CAPN2: variants seen among roughly 807,000 people sequenced by gnomAD.
The protein encoded by CAPN2 is calpain 2.
Under a neutral mutation model 102.3 loss-of-function variants are expected in CAPN2, and 92 were observed. The observed-to-expected ratio is 0.90, with a 90% confidence interval of 0.76 to 1.07. The LOEUF (loss-of-function observed/expected upper bound fraction) is 1.07, where lower values mean the gene tolerates loss of function less well. Among genes scored for constraint, CAPN2 ranks in the 50% least tolerant of loss-of-function variants. CAPN2 has a pLI of 0.00. For missense variants in CAPN2, 800 were observed against 909.4 expected (o/e 0.88, Z 1.55); for synonymous variants, 340 against 355.4 (o/e 0.96, Z 0.49).
chr1:223,772,333 G>C, intron 20 of CAPN2, 94 bp downstream of exon 20: 3 of 1,057,098 alleles, frequency 2.8e-6, no homozygotes, highest in Non-Finnish European at 4.4e-6. Context: ...TTCAAGTTTT[G>C]CTTTAAAGAG....
intron 1 of CAPN2, among the ~76,000 whole-genome samples, chr1:223,704,819 A>G (rs1296312423): frequency 6.6e-6 from 1 of 152,212 alleles, no homozygotes; most frequent in African/African-American, 2.4e-5. Flanking sequence ...TGAGGGGAAA[A>G]CACAGAAACA....
In CAPN2 at chr1:223,759,615, A is replaced by T. The variant is rs1366760231; in HGVS notation, c.1529+134A>T. On this transcript the variant is annotated intron_variant, in intron 12 of 20. Transcript: ENST00000295006. The surrounding 1 kb of genome is among the most constrained non-coding windows in gnomAD (Gnocchi z 4.6). The stretch of plus-strand genomic sequence containing the variant: ...CTGTAACACCTGCCCACCTCGAAGG[A>T]CTAGTGTGGGGATTTGATGGATTGA... The T allele has an allele frequency of 4.5e-6, 3 of 670,592 alleles. No individual in the cohort carries two copies. Among genetic ancestry groups the T allele is most frequent in the Non-Finnish European group, 5.1e-6 (2 of 395,202 alleles). 41.5% of individuals were successfully genotyped at this position (670,592 alleles called of 1,614,324 possible). A position where few individuals can be genotyped will look rare whatever the true frequency, so the allele number is the denominator to read the frequency against.
At chr1:223,745,478 C>CA in intron 4 of CAPN2, 39 bp downstream of exon 4, 2 of 1,612,134 alleles carry the variant, frequency 1.2e-6, no homozygotes, top group Non-Finnish European at 1.7e-6. Flanking sequence ...GGCCTTCCCC[C>CA]AATGCCCTGG....
Position 223,747,140 on chromosome 1 carries a change from G to C in CAPN2, c.704G>C (p.Gly235Ala), listed in dbSNP as rs769768965. The change falls in exon 5 of 21, where the codon GGC (glycine) becomes GCC (alanine). Residue 235 changes from glycine (G) to alanine (A), a missense_variant. By Grantham distance (60) the Gly-to-Ala change is moderately conservative. Transcript: ENST00000295006. ...ATCATCCAGAAAGCTCTGCAAAAAG[G>C]CTCTCTCCTTGGCTGCTCCATCGAC... ...FKIIQKALQK[G>A]SLLGCSIDIT... 1.9e-6 allele frequency: 3 copies of C among 1,613,614 alleles called. No homozygotes were observed. The highest frequency in any genetic ancestry group is 2.5e-6 in the Non-Finnish European group (3 of 1,179,768).
chr1:223,711,448 TAAATA>T (rs1659725464), upstream of CAPN2, among the ~76,000 whole-genome samples: 1 of 152,194 alleles, frequency 6.6e-6, no homozygotes, highest in Admixed American at 6.5e-5. Flanking sequence ...TCCTGCCAGT[TAAATA>T]TGAGTTTCAG....
In CAPN2 at chr1:223,755,379, T is replaced by C; in HGVS notation, c.1136-101T>C. 8.6e-7 allele frequency: 1 copy of C among 1,163,838 alleles called. No individual in the cohort carries two copies. The highest frequency in any genetic ancestry group is 1.2e-6 in the Non-Finnish European group (1 of 804,826). 72.1% of individuals were successfully genotyped at this position (1,163,838 alleles called of 1,614,324 possible). On this transcript the variant is annotated intron_variant, in intron 9 of 20. Coordinates refer to ENST00000295006, the MANE Select transcript of CAPN2 (RefSeq NM_001748.5). The surrounding 1 kb of genome is among the most constrained non-coding windows in gnomAD (Gnocchi z 4.1). Reference sequence around the variant, plus strand: ...CCACCTCCCACCATCTCCCTTTATCTCCATCCCTCTCAGAAGCCTCCAAGC... The same window carrying C: ...CCACCTCCCACCATCTCCCTTTATCCCCATCCCTCTCAGAAGCCTCCAAGC...
At chr1:223,738,641 A>C (rs1660526065) in intron 2 of CAPN2, among the ~76,000 whole-genome samples, 1 of 152,224 alleles carries the variant, frequency 6.6e-6, no homozygotes, top group Admixed American at 6.5e-5. Context: ...CTCTGGAGTC[A>C]GTGAAGAAGG....
chr1:223,769,980 C>G, intron 17 of CAPN2, 71 bp downstream of exon 17: 2 of 1,166,344 alleles, frequency 1.7e-6, no homozygotes, highest in Non-Finnish European at 2.5e-6. Flanking sequence ...GATGCAGCAA[C>G]TCCTGCACAG....
At chr1:223,763,136 TAAAA>T (rs916370635) in intron 14 of CAPN2, among the ~76,000 whole-genome samples, 1 of 151,022 alleles carries the variant, frequency 6.6e-6, no homozygotes, top group Non-Finnish European at 1.5e-5. Flanking sequence ...TCCCTGTTCT[TAAAA>T]AAATCCCTCA....
chr1:223,772,356 C>A, intron 20 of CAPN2, 117 bp downstream of exon 20: 1 of 800,448 alleles, frequency 1.2e-6, no homozygotes, highest in South Asian at 1.5e-5. Flanking sequence ...CTTGGTCTGT[C>A]GGGGCCAGGC....
chr1:223,705,292 CAT>C (rs1176247914), intron 1 of CAPN2, among the ~76,000 whole-genome samples: 1 of 152,192 alleles, frequency 6.6e-6, no homozygotes, highest in Non-Finnish European at 1.5e-5. Context: ...GATTCTTGCA[CAT>C]AGAGAACCAC....
intron 20 of CAPN2, 66 bp from the exon 21 acceptor site, chr1:223,774,768 G>A (rs2102820002): frequency 2.8e-6 from 4 of 1,422,502 alleles, no homozygotes; most frequent in East Asian, 2.3e-5. Flanking sequence ...CAATCTACAG[G>A]TACTTAAATA....
chr1:223,732,463 G>C (rs182837117), intron 2 of CAPN2, among the ~76,000 whole-genome samples: 4 of 152,278 alleles, frequency 2.6e-5, no homozygotes, highest in Admixed American at 2.6e-4. Flanking sequence ...GTAACTTCCT[G>C]ATGTTGCCAT....
chr1:223,759,087 A>G lies in CAPN2; in HGVS notation c.1318-183A>G. Reference sequence around the variant, plus strand: ...GTTTTGTTGTTGTTGTCGTCGTTATATAGATGAGGGCTTCCTGTGTTGCCC... The same window carrying G: ...GTTTTGTTGTTGTTGTCGTCGTTATGTAGATGAGGGCTTCCTGTGTTGCCC... On this transcript the variant is annotated intron_variant, in intron 11 of 20. Coordinates refer to ENST00000295006, the MANE Select transcript of CAPN2 (RefSeq NM_001748.5). This position sits in a 1 kb window ranked among gnomAD's most constrained non-coding sequence, Gnocchi z 4.6. The G allele has an allele frequency of 1.6e-6, 1 of 626,384 alleles. No individual in the cohort carries two copies. The highest frequency in any genetic ancestry group is 1.9e-5 in the South Asian group (1 of 52,224). The allele number at this position is 626,384 out of a possible 1,614,324, so 38.8% of individuals were successfully genotyped here.
intron 18 of CAPN2, chr1:223,771,580 A>G: frequency 2.0e-6 from 1 of 494,920 alleles, no homozygotes; most frequent in East Asian, 3.5e-5. Flanking sequence ...GAAAACACTT[A>G]TGTGTCAGCA....
At chr1:223,769,321 G>T (rs781135116) in intron 16 of CAPN2, among the ~76,000 whole-genome samples, 1 of 151,984 alleles carries the variant, frequency 6.6e-6, no homozygotes, top group Non-Finnish European at 1.5e-5. Flanking sequence ...GGGTTTCACC[G>T]TGTTGGCCAG....
chr1:223,742,492 A>ATG (rs768333854), intron 2 of CAPN2, among the ~76,000 whole-genome samples: 47,143 of 123,944 alleles, frequency 0.38, 10,219 homozygotes, highest in Middle Eastern at 0.51. Context: ...TTTTATATAT[A>ATG]TGTGTGTATA....
At chr1:223,711,962 A>T (rs1324843828), upstream of CAPN2, among the ~76,000 whole-genome samples, 1 of 152,216 alleles carries the variant, frequency 6.6e-6, no homozygotes, top group Non-Finnish European at 1.5e-5. Flanking sequence ...TAATTGCAGC[A>T]TTGTGATTGC....
intron 2 of CAPN2, among the ~76,000 whole-genome samples, chr1:223,723,231 T>C (rs1660102349): frequency 6.6e-6 from 1 of 152,132 alleles, no homozygotes; most frequent in African/African-American, 2.4e-5. Flanking sequence ...GGAGGATCAC[T>C]TGAGCCCAGG....
Sources: gnomAD v4.1 joint callset for allele counts (sites outside exome capture counted in the v4.1 genomes callset) on GRCh38, gnomAD v4.1.1 for gene constraint, Gnocchi (gnomAD v3.1) non-coding constraint, MANE v1.5 for transcripts, NCBI Gene and HGNC (gene_info 2026-07-23, HGNC 2026-07-21) for gene names.